The following CDH11 variants were observed in gnomAD, a reference collection of about 807,000 sequenced individuals.
CDH11 encodes the protein cadherin 11, also known as cadherin-11.
CDH11 carries 11 observed loss-of-function variants against 67.8 expected under a neutral mutation model. That is an observed-to-expected ratio of 0.16 (90% CI 0.10 to 0.27). The LOEUF (loss-of-function observed/expected upper bound fraction) is 0.27. CDH11 is among the 10% of genes least tolerant of loss of function. The pLI is 1.00. For synonymous variants in CDH11, 419 were observed against 400.0 expected, an observed-to-expected ratio of 1.05 and a Z score of -0.57; for missense variants, 847 against 1,031.2, an observed-to-expected ratio of 0.82 and a Z score of 2.45.
At chr16:64,996,445 G>T (rs180934682) in intron 4 of CDH11, among the ~76,000 whole-genome samples, 1 of 150,372 alleles carries the variant, frequency 6.7e-6, no homozygotes, top group East Asian at 2.0e-4. Flanking sequence ...AGCCGAGATC[G>T]TGCCACTGCA....
At chr16:64,995,368 T>C (rs998693115) in intron 4 of CDH11, among the ~76,000 whole-genome samples, 19 of 152,066 alleles carry the variant, frequency 1.2e-4, no homozygotes, top group African/African-American at 4.3e-4. Context: ...GTAACCAAAA[T>C]AGCATGTTGC....
chr16:65,116,818 G>A (rs745463135), intron 1 of CDH11, among the ~76,000 whole-genome samples: 2 of 152,116 alleles, frequency 1.3e-5, no homozygotes, highest in Non-Finnish European at 2.9e-5. Flanking sequence ...AGCATCATTA[G>A]TCTCTCTCAT....
chr16:65,049,799 T>C (rs2074024115), intron 2 of CDH11, among the ~76,000 whole-genome samples: 1 of 152,172 alleles, frequency 6.6e-6, no homozygotes, highest in South Asian at 2.1e-4. Context: ...CTGTTTATGA[T>C]TCTGATGACA....
chr16:65,090,716 A>G (rs1240197375), intron 1 of CDH11, among the ~76,000 whole-genome samples: 1 of 152,256 alleles, frequency 6.6e-6, no homozygotes. Context: ...AAAAATGTAG[A>G]TAGTAGAAAT....
intron 1 of CDH11, among the ~76,000 whole-genome samples, chr16:65,082,795 C>G (rs988025403): frequency 3.3e-5 from 5 of 152,146 alleles, no homozygotes; most frequent in Non-Finnish European, 5.9e-5. Context: ...CTTCGGTAAG[C>G]CTCATTTTCT....
chr16:64,986,010 C>T (rs541274624), intron 7 of CDH11: 1 of 151,854 alleles, frequency 6.6e-6, no homozygotes, highest in African/African-American at 2.4e-5. Context: ...CTCAATAACT[C>T]TTGGTGGAAA....
At chr16:64,948,916 G>A (rs1052266863) in intron 12 of CDH11, 18 of 668,948 alleles carry the variant, frequency 2.7e-5, no homozygotes, top group Non-Finnish European at 3.2e-5. Context: ...ACCCAGCAAG[G>A]CTGAAGAAAA....
chr16:64,990,402 C>G (rs527563356), intron 6 of CDH11, among the ~76,000 whole-genome samples: 44 of 152,220 alleles, frequency 2.9e-4, no homozygotes, highest in Non-Finnish European at 5.6e-4. Context: ...CATTTAGTAG[C>G]CTTCCTTGTT....
intron 2 of CDH11, among the ~76,000 whole-genome samples, chr16:65,031,450 G>A (rs1355004021): frequency 6.6e-6 from 1 of 152,180 alleles, no homozygotes; most frequent in Non-Finnish European, 1.5e-5. Flanking sequence ...ATAAACCAAG[G>A]TATGAGGCAG....
chr16:65,029,075 G>T (rs1033974561), intron 2 of CDH11, among the ~76,000 whole-genome samples: 4 of 152,058 alleles, frequency 2.6e-5, no homozygotes, highest in Admixed American at 1.3e-4. Flanking sequence ...TCAAGAATTT[G>T]ATCTCATGTT....
intron 1 of CDH11, among the ~76,000 whole-genome samples, chr16:65,089,971 C>T (rs139312108): frequency 1.8e-4 from 27 of 151,900 alleles, no homozygotes; most frequent in African/African-American, 2.4e-4. Context: ...ACTAACATTC[C>T]GAATGTGGAA....
chr16:65,053,454 T>C (rs1365942436), intron 2 of CDH11, among the ~76,000 whole-genome samples: 1 of 152,222 alleles, frequency 6.6e-6, no homozygotes, highest in Non-Finnish European at 1.5e-5. Flanking sequence ...TTAAGACTTA[T>C]TTCAAAAGAA....
chr16:65,116,377 C>G (rs972189117), intron 1 of CDH11, among the ~76,000 whole-genome samples: 1 of 152,150 alleles, frequency 6.6e-6, no homozygotes, highest in African/African-American at 2.4e-5. Flanking sequence ...AGGAGCCTCC[C>G]CTACCACACT....
chr16:64,945,913 G>A lies in CDH11; in HGVS notation c.*1690C>T. On this transcript the variant is annotated 3_prime_UTR_variant, in exon 13 of 13. Coordinates refer to ENST00000268603, the MANE Select transcript of CDH11 (RefSeq NM_001797.4). ...TGCCCTGTGTGTAGGGGGAAAGAGG[G>A]AAAGCACTTGCAGTGTGACTTTATG... 2 of 1,058,648 alleles carry A rather than the reference G, an allele frequency of 1.9e-6. No individual in the cohort carries two copies. The highest frequency in any genetic ancestry group is 1.1e-6 in the Non-Finnish European group (1 of 875,142). The allele number at this position is 1,058,648 out of a possible 1,614,324, so 65.6% of individuals were successfully genotyped here.
At chr16:64,967,403 A>G (rs1322605418) in intron 11 of CDH11, among the ~76,000 whole-genome samples, 1 of 152,114 alleles carries the variant, frequency 6.6e-6, no homozygotes, top group Admixed American at 6.5e-5. Flanking sequence ...GTGTTTTAGT[A>G]GAGAAGGGGT....
At chr16:65,071,716 C>T (rs1324035760) in intron 1 of CDH11, among the ~76,000 whole-genome samples, 1 of 152,206 alleles carries the variant, frequency 6.6e-6, no homozygotes, top group African/African-American at 2.4e-5. Flanking sequence ...TGCGGATCAA[C>T]AGTCCAGGCC....
chr16:64,948,574 T>C (rs57831187), intron 12 of CDH11: 211,790 of 1,528,972 alleles, frequency 0.14, 19,193 homozygotes, highest in East Asian at 0.42. Flanking sequence ...TGAGAAAGAG[T>C]ATTGGTCCTA....
chr16:65,102,753 C>A (rs1326194676), intron 1 of CDH11, among the ~76,000 whole-genome samples: 2 of 152,164 alleles, frequency 1.3e-5, no homozygotes, highest in Non-Finnish European at 2.9e-5. Flanking sequence ...TCATGATTAT[C>A]CCTGGGTACA....
intron 2 of CDH11, among the ~76,000 whole-genome samples, chr16:65,014,515 C>T (rs1384763781): frequency 1.3e-5 from 2 of 152,158 alleles, no homozygotes; most frequent in African/African-American, 4.8e-5. Context: ...ATTGCAAGAG[C>T]TTACTGGCCA....
Sources: gnomAD v4.1 joint callset for allele counts (sites outside exome capture counted in the v4.1 genomes callset) on GRCh38, gnomAD v4.1.1 for gene constraint, MANE v1.5 for transcripts, NCBI Gene and HGNC (gene_info 2026-07-23, HGNC 2026-07-21) for gene names.